ZDHHC21: variants seen among roughly 807,000 people sequenced by gnomAD.
The protein encoded by ZDHHC21 is palmitoyltransferase ZDHHC21.
ZDHHC21 carries 15 observed loss-of-function variants against 34.6 expected under a neutral mutation model. The observed-to-expected ratio is 0.43, with a 90% CI of 0.29 to 0.67. The LOEUF (loss-of-function observed/expected upper bound fraction) is 0.67. ZDHHC21 is among the 30% of genes least tolerant of loss of function. The probability of loss-of-function intolerance (pLI) is 0.14; values close to 1 mark genes in which losing one functional copy is unlikely to be tolerated. For synonymous variants in ZDHHC21, 142 were observed against 101.8 expected (o/e 1.40, Z -2.38); for missense variants, 344 against 327.7 (o/e 1.05, Z -0.38).
At chr9:14,682,432 A>G (rs1197221175) in intron 2 of ZDHHC21, among the ~76,000 whole-genome samples, 2 of 152,158 alleles carry the variant, frequency 1.3e-5, no homozygotes, top group Admixed American at 6.5e-5. Flanking sequence ...AAACATCAAA[A>G]CAGACAAAGA....
chr9:14,608,842 G>A (rs1397370586), downstream of ZDHHC21, among the ~76,000 whole-genome samples: 1 of 151,916 alleles, frequency 6.6e-6, no homozygotes, highest in African/African-American at 2.4e-5. Flanking sequence ...TACAGTATCT[G>A]GCAACTTCTC....
At chr9:14,597,660 G>T in the ZDHHC21 span, among the ~76,000 whole-genome samples, 26 of 152,128 alleles carry the variant, frequency 1.7e-4, no homozygotes, top group East Asian at 1.4e-3. Context: ...CTGAGGTAAG[G>T]TCTGTCCCAC....
intron 1 of ZDHHC21, 45 bp from the exon 2 acceptor site, chr9:14,690,430 A>G (rs1184541885): frequency 4.5e-6 from 2 of 440,174 alleles, no homozygotes; most frequent in Non-Finnish European, 9.0e-6. Context: ...CTTGGTTGAC[A>G]TCACACTTGA....
chr9:14,682,603 C>A (rs1837580058), intron 2 of ZDHHC21, among the ~76,000 whole-genome samples: 1 of 152,156 alleles, frequency 6.6e-6, no homozygotes, highest in Non-Finnish European at 1.5e-5. Context: ...GAGACTTTAG[C>A]ACTCTACTGT....
intron 1 of ZDHHC21, 56 bp downstream of exon 1, chr9:14,693,173 T>C (rs888872316): frequency 2.7e-4 from 49 of 178,424 alleles, no homozygotes; most frequent in Admixed American, 7.5e-4. Context: ...GGGGTGGGGG[T>C]GCGGATGGGG....
At chr9:14,664,989 C>T (rs1293325511) in intron 5 of ZDHHC21, among the ~76,000 whole-genome samples, 1 of 143,910 alleles carries the variant, frequency 6.9e-6, no homozygotes, top group African/African-American at 2.6e-5. Context: ...CAGAACAAAG[C>T]TGGATGGAGA....
rs917816425 is a variant in ZDHHC21 at position 14,615,385 on chromosome 9, T to A, written c.*3581A>T. 10 of 151,750 alleles carry A rather than the reference T, an allele frequency of 6.6e-5. No homozygotes were observed. The highest frequency in any genetic ancestry group is 7.4e-5 in the Non-Finnish European group (5 of 67,718). The allele number at this position is 151,750 out of a possible 1,614,324, so 9.4% of individuals were successfully genotyped here. On this transcript the variant is annotated 3_prime_UTR_variant, in exon 10 of 10. Transcript: ENST00000380916. ...TGTTAATCCTGGCAGATGTTTTAAC[T>A]CAGCTGTTATACTGAACATTACGTA... is the stretch of plus-strand genomic sequence containing the variant.
At chr9:14,654,001 G>A (rs578225830) in intron 7 of ZDHHC21, among the ~76,000 whole-genome samples, 2 of 151,980 alleles carry the variant, frequency 1.3e-5, no homozygotes, top group Admixed American at 1.3e-4. Context: ...GCGTTAAGGT[G>A]AGCCATATAT....
At position 14,612,757 on chromosome 9, in the gene ZDHHC21, C is replaced by A. The variant is rs372547204; in HGVS notation, c.*6209G>T. ...CTATATATCTACACACACATATGTACACATACATATATTTTAAAGGTGTTC... is the reference window on the plus strand; with the variant it reads ...CTATATATCTACACACACATATGTAAACATACATATATTTTAAAGGTGTTC... On this transcript the variant is annotated 3_prime_UTR_variant, in exon 10 of 10. Transcript: ENST00000380916. 6.6e-6 allele frequency: 1 copy of A among 151,230 alleles called. No individual in the cohort carries two copies. The highest frequency in any genetic ancestry group is 6.6e-5 in the Admixed American group (1 of 15,094). 9.4% of individuals were successfully genotyped at this position (151,230 alleles called of 1,614,324 possible).
chr9:14,657,909 T>C (rs1352856168), intron 7 of ZDHHC21, among the ~76,000 whole-genome samples: 1 of 152,180 alleles, frequency 6.6e-6, no homozygotes, highest in East Asian at 1.9e-4. Flanking sequence ...TTCTTTTACA[T>C]GATCTAACTT....
At chr9:14,608,616 G>A (rs577375898), downstream of ZDHHC21, among the ~76,000 whole-genome samples, 36 of 151,922 alleles carry the variant, frequency 2.4e-4, no homozygotes, top group African/African-American at 8.0e-4. Context: ...TACAAAGAAT[G>A]TGCTGTGACT....
chr9:14,690,431 T>C (rs766111639), intron 1 of ZDHHC21, 46 bp from the exon 2 acceptor site: 1 of 440,314 alleles, frequency 2.3e-6, no homozygotes, highest in Admixed American at 2.7e-5. Context: ...TTGGTTGACA[T>C]CACACTTGAG....
the ZDHHC21 span, among the ~76,000 whole-genome samples, chr9:14,590,480 G>A: frequency 6.6e-6 from 1 of 151,846 alleles, no homozygotes; most frequent in Non-Finnish European, 1.5e-5. Flanking sequence ...CTAAAAACCA[G>A]AGATAATGGG....
chr9:14,590,894 C>T, the ZDHHC21 span, among the ~76,000 whole-genome samples: 2 of 151,584 alleles, frequency 1.3e-5, no homozygotes, highest in African/African-American at 4.9e-5. Context: ...AACTGACTGG[C>T]AAAAGAAAAG....
rs765216590 is a variant in ZDHHC21 at position 14,693,250 on chromosome 9, C to A, written c.-246G>T. On this transcript the variant is annotated 5_prime_UTR_variant, in exon 1 of 10. Transcript: ENST00000380916. ...TCACCGTCGCCGCTGGCTCGCCTCTCGCTGCCGCCGCTCTCCCGACCGCCA... is the reference window on the plus strand; with the variant it reads ...TCACCGTCGCCGCTGGCTCGCCTCTAGCTGCCGCCGCTCTCCCGACCGCCA... 10 of 412,640 alleles carry A rather than the reference C, an allele frequency of 2.4e-5. No homozygotes were observed. The highest frequency in any genetic ancestry group is 2.4e-4 in the Admixed American group (9 of 37,288). 25.6% of individuals were successfully genotyped at this position (412,640 alleles called of 1,614,324 possible). A position where few individuals can be genotyped will look rare whatever the true frequency, so the allele number is the denominator to read the frequency against.
intron 7 of ZDHHC21, among the ~76,000 whole-genome samples, chr9:14,643,826 C>A (rs560502836): frequency 5.3e-5 from 8 of 152,178 alleles, no homozygotes; most frequent in Non-Finnish European, 8.8e-5. Flanking sequence ...AGTATCCATA[C>A]ATGCATGGGC....
intron 8 of ZDHHC21, among the ~76,000 whole-genome samples, chr9:14,632,462 G>C (rs990893564): frequency 2.0e-5 from 3 of 151,696 alleles, no homozygotes; most frequent in Admixed American, 2.0e-4. Context: ...ATGAATCATA[G>C]TACTAAATAT....
chr9:14,605,366 AT>A, the ZDHHC21 span, among the ~76,000 whole-genome samples: 1 of 151,736 alleles, frequency 6.6e-6, no homozygotes, highest in Non-Finnish European at 1.5e-5. Flanking sequence ...CACCAACACT[AT>A]TTTTTTCAAA....
At chr9:14,658,065 A>G (rs1025948544) in intron 7 of ZDHHC21, among the ~76,000 whole-genome samples, 4 of 152,158 alleles carry the variant, frequency 2.6e-5, no homozygotes, top group African/African-American at 9.6e-5. Context: ...AGGCAGGGAG[A>G]AAAAAAGTTC....
Sources: allele counts gnomAD v4.1 joint callset (sites outside exome capture counted in the v4.1 genomes callset), GRCh38; gene constraint gnomAD v4.1.1; transcripts MANE v1.5; gene names NCBI Gene and HGNC (gene_info 2026-07-23, HGNC 2026-07-21).